GGH: variants seen among roughly 807,000 people sequenced by gnomAD.
GGH encodes the protein gamma-glutamyl hydrolase.
In GGH, 18 loss-of-function variants were observed where a neutral mutation model predicts 39.2. That is an observed-to-expected ratio of 0.46 (90% CI 0.32 to 0.68). GGH has a LOEUF of 0.68. Among genes scored for constraint, GGH ranks in the 30% least tolerant of loss-of-function variants. GGH has a pLI of 0.04. For synonymous variants in GGH, 147 were observed against 138.8 expected, an observed-to-expected ratio of 1.06 and a Z score of -0.42; for missense variants, 367 against 384.1, an observed-to-expected ratio of 0.96 and a Z score of 0.37.
intron 8 of GGH, among the ~76,000 whole-genome samples, chr8:63,016,761 A>G (rs1480709459): frequency 6.6e-6 from 1 of 152,214 alleles, no homozygotes; most frequent in Non-Finnish European, 1.5e-5. Flanking sequence ...AGAAATAGGC[A>G]TCTACAACCA....
chr8:63,018,223 C>T (rs1804522199), intron 7 of GGH, among the ~76,000 whole-genome samples: 1 of 151,906 alleles, frequency 6.6e-6, no homozygotes, highest in Non-Finnish European at 1.5e-5. Flanking sequence ...TAGATAGACA[C>T]CCAGGGTTCA....
intron 7 of GGH, among the ~76,000 whole-genome samples, chr8:63,018,816 T>G (rs1017452050): frequency 1.1e-4 from 17 of 152,214 alleles, no homozygotes; most frequent in African/African-American, 4.1e-4. Flanking sequence ...CAATAATGCT[T>G]CATGCGTTGG....
intron 2 of GGH, among the ~76,000 whole-genome samples, chr8:63,034,880 A>T (rs771507720): frequency 4.6e-5 from 7 of 152,130 alleles, no homozygotes; most frequent in Non-Finnish European, 4.4e-5. Flanking sequence ...ATTCATTAAA[A>T]TTTTTTTCTT....
chr8:63,017,782 C>G, intron 7 of GGH, 152 bp from the exon 8 acceptor site: 1 of 521,782 alleles, frequency 1.9e-6, no homozygotes, highest in Non-Finnish European at 3.3e-6. Context: ...AAATAATTTC[C>G]ATTCATAATC....
chr8:63,025,474 T>C (rs995922818), intron 5 of GGH, among the ~76,000 whole-genome samples: 5 of 152,210 alleles, frequency 3.3e-5, no homozygotes, highest in African/African-American at 1.2e-4. Flanking sequence ...CGGTAGATCA[T>C]CTAATCCCAG....
chr8:63,030,694 G>C (rs898901350), intron 2 of GGH, among the ~76,000 whole-genome samples: 1 of 152,018 alleles, frequency 6.6e-6, no homozygotes, highest in African/African-American at 2.4e-5. Context: ...CAAACTAGTT[G>C]CAACAGTCTA....
intron 7 of GGH, among the ~76,000 whole-genome samples, chr8:63,019,096 TG>T (rs763918645): frequency 5.5e-4 from 83 of 152,234 alleles, no homozygotes; most frequent in Non-Finnish European, 8.5e-4. Flanking sequence ...AAACCGCTGA[TG>T]CTTTACAAAA....
intron 1 of GGH, among the ~76,000 whole-genome samples, chr8:63,037,490 T>C (rs980760544): frequency 6.6e-6 from 1 of 152,188 alleles, no homozygotes; most frequent in African/African-American, 2.4e-5. Context: ...CCTCAAAATA[T>C]GACCAAAATT....
intron 2 of GGH, among the ~76,000 whole-genome samples, chr8:63,032,190 C>A (rs1264529090): frequency 6.6e-6 from 1 of 152,048 alleles, no homozygotes; most frequent in Non-Finnish European, 1.5e-5. Flanking sequence ...CACGCCACCA[C>A]TCCCAGCTCA....
chr8:63,025,491 G>A (rs182166268), intron 5 of GGH, among the ~76,000 whole-genome samples: 283 of 152,268 alleles, frequency 1.9e-3, no homozygotes, highest in Non-Finnish European at 3.1e-3. Flanking sequence ...CCAGCACTTT[G>A]GAAGGCCAAG....
Position 63,018,755 on chromosome 8 carries a change from CT to C in GGH, c.698-1126del, listed in dbSNP as rs530894011. ...TAGAGTTAATTGAAAGGCAGACCTT[CT>C]AGTATATTGGATATAAATCTTTTTT... On this transcript the variant is annotated intron_variant, in intron 7 of 8. Coordinates refer to ENST00000260118, the MANE Select transcript of GGH (RefSeq NM_003878.3). Among the ~76,000 whole-genome samples, 795 of 152,268 alleles carry C rather than the reference CT, an allele frequency of 5.2e-3. 9 individuals are homozygous for C. The highest frequency in any genetic ancestry group is 0.019 in the African/African-American group (772 of 41,536).
intron 2 of GGH, among the ~76,000 whole-genome samples, chr8:63,033,868 T>A (rs1280669081): frequency 6.6e-6 from 1 of 151,710 alleles, no homozygotes; most frequent in African/African-American, 2.4e-5. Context: ...TGAGAATATG[T>A]GGTATTTGGT....
At chr8:63,033,518 A>G (rs1480673323) in intron 2 of GGH, among the ~76,000 whole-genome samples, 3 of 148,524 alleles carry the variant, frequency 2.0e-5, no homozygotes, top group Non-Finnish European at 3.0e-5. Context: ...TAGGTTACAC[A>G]TGTTGTTGGC....
At chr8:63,023,023 TTAG>T (rs1398233360) in intron 7 of GGH, among the ~76,000 whole-genome samples, 1 of 152,236 alleles carries the variant, frequency 6.6e-6, no homozygotes, top group Non-Finnish European at 1.5e-5. Context: ...TGCTTGTGCA[TTAG>T]TAGTATTTTG....
chr8:63,021,373 A>G (rs1338294221), intron 7 of GGH, among the ~76,000 whole-genome samples: 2 of 152,180 alleles, frequency 1.3e-5, no homozygotes, highest in African/African-American at 4.8e-5. Context: ...ATATTTTTTA[A>G]CCAATGAATA....
chr8:63,028,285 A>G (rs1415886910), intron 3 of GGH: 1 of 152,116 alleles, frequency 6.6e-6, no homozygotes, highest in African/African-American at 2.4e-5. Context: ...GTGAAGACTC[A>G]TTAGCATTCT....
chr8:63,015,439 G>T lies in GGH; in HGVS notation c.850C>A (p.His284Asn). 6.5e-7 allele frequency: 1 copy of T among 1,541,304 alleles called. No individual in the cohort carries two copies. Among genetic ancestry groups the T allele is most frequent in the Non-Finnish European group, 8.8e-7 (1 of 1,132,266 alleles). The change falls in exon 9 of 9, where the codon CAT (histidine) becomes AAT (asparagine). Residue 284 changes from histidine (H) to asparagine (N), a missense_variant. His to Asn is a moderately conservative substitution (Grantham distance 68). Transcript: ENST00000260118. ...FFVNEARKNNHHFKSESEEEK... is the reference protein window; with the variant it reads ...FFVNEARKNNNHFKSESEEEK... The stretch of plus-strand genomic sequence containing the variant: ...TCTTCAGATTCAGATTTAAAATGAT[G>T]GTTGTTTTTCCGAGCTGCAAGAAAA...
At chr8:63,029,269 G>A (rs756285059) in intron 3 of GGH, among the ~76,000 whole-genome samples, 5 of 152,236 alleles carry the variant, frequency 3.3e-5, no homozygotes, top group Admixed American at 2.0e-4. Flanking sequence ...CAAACGGGGT[G>A]TATGCTATAC....
At position 63,026,281 on chromosome 8, in the gene GGH, C is replaced by T. The variant is rs1284299592; in HGVS notation, c.376G>A (p.Asp126Asn). The T allele has an allele frequency of 5.6e-6, 9 of 1,602,218 alleles. No homozygotes were observed. Among genetic ancestry groups the T allele is most frequent in the South Asian group, 1.1e-5 (1 of 88,044 alleles). Residue 126 changes from aspartate to asparagine, a missense_variant, in exon 5 of 9, where the codon GAC (aspartate) becomes AAC (asparagine). Physicochemically the swap from Asp to Asn is conservative, Grantham distance 23. Transcript: ENST00000260118. Reference protein sequence around the residue: ...NLSIQSFDDGDYFPVWGTCLG... With the variant: ...NLSIQSFDDGNYFPVWGTCLG... ...CATGTGCCCCACACAGGAAAATAGT[C>T]TCCATCATCAAAACTCTTTGCAAGT...
Sources: allele counts gnomAD v4.1 joint callset (sites outside exome capture counted in the v4.1 genomes callset), GRCh38; gene constraint gnomAD v4.1.1; transcripts MANE v1.5; gene names NCBI Gene and HGNC (gene_info 2026-07-23, HGNC 2026-07-21).